Variants in ARHGEF18 observed in about 807,000 individuals in gnomAD.
ARHGEF18 encodes Rho/Rac guanine nucleotide exchange factor 18, also known as rho guanine nucleotide exchange factor 18.
Under a neutral mutation model 155.7 loss-of-function variants are expected in ARHGEF18, and 93 were observed. That is an observed-to-expected ratio of 0.60 (90% CI 0.50 to 0.71). The LOEUF (loss-of-function observed/expected upper bound fraction) is 0.71, where lower values mean the gene tolerates loss of function less well. Ranked by LOEUF, ARHGEF18 falls within the 30% of genes least tolerant of loss-of-function variation. The pLI is 0.00. For synonymous variants in ARHGEF18, 742 were observed against 753.1 expected, an observed-to-expected ratio of 0.99 and a Z score of 0.24; for missense variants, 1,593 against 1,816.1, an observed-to-expected ratio of 0.88 and a Z score of 2.23.
At chr19:7,438,053 CTCTCT>C (rs1299538174) in intron 10 of ARHGEF18, among the ~76,000 whole-genome samples, 1 of 98,124 alleles carries the variant, frequency 1.0e-5, no homozygotes, top group Non-Finnish European at 1.9e-5. Flanking sequence ...CTCCTCTCTT[CTCTCT>C]TCTCTTCTCC....
At chr19:7,426,192 A>G (rs1406020310) in intron 10 of ARHGEF18, among the ~76,000 whole-genome samples, 2 of 152,052 alleles carry the variant, frequency 1.3e-5, no homozygotes, top group Admixed American at 1.3e-4. Flanking sequence ...AAAGAAAAAA[A>G]GCAGCAAAGA....
chr19:7,460,843 C>T (rs1976194355), intron 20 of ARHGEF18, among the ~76,000 whole-genome samples: 1 of 151,488 alleles, frequency 6.6e-6, no homozygotes, highest in Non-Finnish European at 1.5e-5. Context: ...GGCTGGAATG[C>T]AGTGGCGTGA....
In ARHGEF18 at chr19:7,376,685, C is replaced by G; in HGVS notation, c.469C>G (p.Pro157Ala). The change falls in exon 5 of 29, where the codon CCT becomes GCT. Residue 157 changes from proline to alanine, a missense_variant. Transcript: ENST00000668164. ...GAAAAGAGGGAGGTCAAGGTCCGTT[C>G]CTGTGTCCTTCTATGAGATCCGCTC... ...PKKRGRSRSV[P>A]VSFYEIRSPE... The G allele has an allele frequency of 8.1e-7, 1 of 1,234,490 alleles. No homozygotes were observed. 76.5% of individuals were successfully genotyped at this position (1,234,490 alleles called of 1,614,324 possible). A position where few individuals can be genotyped will look rare whatever the true frequency, so the allele number is the denominator to read the frequency against.
chr19:7,443,357 G>A (rs559108906), intron 13 of ARHGEF18, among the ~76,000 whole-genome samples: 72 of 152,146 alleles, frequency 4.7e-4, no homozygotes, highest in Non-Finnish European at 7.9e-4. Context: ...GCCCGGCCAT[G>A]CCCGGCTCAT....
chr19:7,361,598 A>C (rs1457710216), intron 1 of ARHGEF18, among the ~76,000 whole-genome samples: 1 of 152,226 alleles, frequency 6.6e-6, no homozygotes, highest in Non-Finnish European at 1.5e-5. Context: ...CGTGATTTGA[A>C]ATAACCAAAT....
intron 11 of ARHGEF18, among the ~76,000 whole-genome samples, chr19:7,441,098 G>A (rs1388744228): frequency 1.3e-5 from 2 of 151,362 alleles, no homozygotes; most frequent in African/African-American, 2.4e-5. Context: ...CCGTTAGAAC[G>A]TAACTAAACA....
chr19:7,382,106 T>C (rs1460396334), intron 8 of ARHGEF18, among the ~76,000 whole-genome samples: 3 of 151,936 alleles, frequency 2.0e-5, no homozygotes, highest in Non-Finnish European at 4.4e-5. Context: ...GATAGAAGAA[T>C]GAGCAGGATT....
intron 6 of ARHGEF18, 21 bp downstream of exon 6, chr19:7,378,472 G>A (rs770939493): frequency 3.4e-4 from 421 of 1,234,174 alleles, no homozygotes; most frequent in Non-Finnish European, 4.1e-4. Flanking sequence ...GCCTCGTGGT[G>A]GGGGAGGGAC....
At chr19:7,373,462 TG>T (rs1220660723) in intron 3 of ARHGEF18, among the ~76,000 whole-genome samples, 13 of 115,144 alleles carry the variant, frequency 1.1e-4, no homozygotes, top group African/African-American at 5.4e-4. Flanking sequence ...TTTTTGTGTT[TG>T]TTTTTTTTTT....
intron 16 of ARHGEF18, 26 bp downstream of exon 16, chr19:7,451,292 C>T: frequency 6.2e-7 from 1 of 1,602,734 alleles, no homozygotes; most frequent in Non-Finnish European, 8.5e-7. Flanking sequence ...ACTGCCCCGC[C>T]CGCCCGTGCT....
At chr19:7,390,339 T>C (rs1285908142) in intron 10 of ARHGEF18, among the ~76,000 whole-genome samples, 1 of 151,786 alleles carries the variant, frequency 6.6e-6, no homozygotes, top group Non-Finnish European at 1.5e-5. Flanking sequence ...AGACCCCATC[T>C]CCATTAAAAA....
chr19:7,368,757 T>G (rs8103593), intron 2 of ARHGEF18, among the ~76,000 whole-genome samples: 26,461 of 152,008 alleles, frequency 0.17, 4,456 homozygotes, highest in African/African-American at 0.43. Context: ...GTAGGAGGTT[T>G]TCCAGGCACT....
At chr19:7,457,476 CCTCAGCCTCCTGA>C (rs1447069009) in intron 18 of ARHGEF18, among the ~76,000 whole-genome samples, 1 of 150,112 alleles carries the variant, frequency 6.7e-6, no homozygotes, top group East Asian at 2.0e-4. Context: ...GATTCTCCTG[CCTCAGCCTCCTGA>C]GTAGCTGGGA....
At chr19:7,360,994 C>A (rs1156557451) in intron 1 of ARHGEF18, among the ~76,000 whole-genome samples, 13 of 152,170 alleles carry the variant, frequency 8.5e-5, no homozygotes. Context: ...CATCAGGGGG[C>A]AAATTTACCT....
intron 1 of ARHGEF18, among the ~76,000 whole-genome samples, chr19:7,351,874 T>C (rs1025512681): frequency 2.0e-5 from 3 of 151,994 alleles, no homozygotes. Context: ...TTAGTAGTTT[T>C]AGTAGAGACA....
intron 20 of ARHGEF18, among the ~76,000 whole-genome samples, chr19:7,461,572 AG>A (rs1976264083): frequency 6.6e-6 from 1 of 152,174 alleles, no homozygotes; most frequent in South Asian, 2.1e-4. Flanking sequence ...AAGGAAAGAA[AG>A]AAAGGGAGGA....
chr19:7,426,463 G>A (rs1222041840), intron 10 of ARHGEF18, among the ~76,000 whole-genome samples: 1 of 147,838 alleles, frequency 6.8e-6, no homozygotes, highest in African/African-American at 2.5e-5. Context: ...CTCCAGCCTG[G>A]GCGACAAAGT....
At chr19:7,439,645 C>T (rs975796926) in intron 10 of ARHGEF18, 4 of 1,125,732 alleles carry the variant, frequency 3.6e-6, no homozygotes, top group South Asian at 3.2e-5. Flanking sequence ...GCGTCCACTT[C>T]GATGCTAGAA....
chr19:7,456,444 C>G, intron 18 of ARHGEF18, 41 bp downstream of exon 18: 1 of 1,576,470 alleles, frequency 6.3e-7, no homozygotes, highest in South Asian at 1.1e-5. Flanking sequence ...CGGCTGGGTG[C>G]TGTGGCTCAC....
Sources: gnomAD v4.1 joint callset for allele counts (sites outside exome capture counted in the v4.1 genomes callset) on GRCh38, gnomAD v4.1.1 for gene constraint, MANE v1.5 for transcripts, NCBI Gene and HGNC (gene_info 2026-07-23, HGNC 2026-07-21) for gene names.